The following ARHGEF3 variants were observed in gnomAD, a reference collection of about 807,000 sequenced individuals.
ARHGEF3 encodes 59.8 kDA protein.
In ARHGEF3, 28 loss-of-function variants were observed where a neutral mutation model predicts 63.2. The observed-to-expected ratio is 0.44, with a 90% CI of 0.33 to 0.61. The LOEUF (loss-of-function observed/expected upper bound fraction) is 0.61, where lower values mean the gene tolerates loss of function less well. Ranked by LOEUF, ARHGEF3 falls within the 20% of genes least tolerant of loss-of-function variation. The pLI, the probability that ARHGEF3 is intolerant of heterozygous loss-of-function variation, is 0.03. For synonymous variants in ARHGEF3, 266 were observed against 254.2 expected, an observed-to-expected ratio of 1.05 and a Z score of -0.44; for missense variants, 533 against 659.3, an observed-to-expected ratio of 0.81 and a Z score of 2.10.
chr3:56,877,276 C>A (rs901090094), intron 4 of ARHGEF3, among the ~76,000 whole-genome samples: 1 of 151,438 alleles, frequency 6.6e-6, no homozygotes, highest in Admixed American at 6.6e-5. Context: ...AGTACTCTAT[C>A]GTTATTAAAA....
At chr3:57,042,700 ATT>A (rs869145503) in intron 1 of ARHGEF3, among the ~76,000 whole-genome samples, 5 of 66,134 alleles carry the variant, frequency 7.6e-5, no homozygotes, top group African/African-American at 2.5e-4. Flanking sequence ...ATATATATAT[ATT>A]TTTTTTTTTT....
At chr3:57,065,867 A>G (rs1705499314) in intron 1 of ARHGEF3, among the ~76,000 whole-genome samples, 1 of 152,160 alleles carries the variant, frequency 6.6e-6, no homozygotes, top group Admixed American at 6.6e-5. Context: ...AATTTGTTGC[A>G]GATAAATGGC....
At chr3:56,986,847 G>A (rs1161736370) in intron 2 of ARHGEF3, among the ~76,000 whole-genome samples, 3 of 150,980 alleles carry the variant, frequency 2.0e-5, no homozygotes, top group Non-Finnish European at 4.4e-5. Flanking sequence ...GGTCTGGAGT[G>A]ATGGTCATAA....
intron 4 of ARHGEF3, among the ~76,000 whole-genome samples, chr3:56,835,748 T>C (rs2039086711): frequency 6.6e-6 from 1 of 152,052 alleles, no homozygotes; most frequent in Non-Finnish European, 1.5e-5. Flanking sequence ...ACACAGAACA[T>C]GACCCATAAA....
At chr3:56,932,769 T>G (rs2042448149) in intron 3 of ARHGEF3, among the ~76,000 whole-genome samples, 1 of 152,034 alleles carries the variant, frequency 6.6e-6, no homozygotes, top group East Asian at 1.9e-4. Flanking sequence ...TGTGACAGAG[T>G]CCATCCTACA....
At chr3:56,883,008 G>T (rs1018448539) in intron 3 of ARHGEF3, among the ~76,000 whole-genome samples, 6 of 152,180 alleles carry the variant, frequency 3.9e-5, no homozygotes, top group Non-Finnish European at 7.3e-5. Flanking sequence ...GACTAACTTG[G>T]AAGAGGAGAT....
chr3:57,035,162 G>GCAGGGT (rs1351634388), exon 2 of ARHGEF3: 2 of 1,511,436 alleles, frequency 1.3e-6, no homozygotes, highest in Admixed American at 4.6e-5. Context: ...ACTCAGTATG[G>GCAGGGT]CAGGCTCAGG....
In ARHGEF3 at chr3:56,921,074, A is replaced by AC. The variant is rs2042124397; in HGVS notation, c.129+37748_129+37749insG. The stretch of plus-strand genomic sequence containing the variant: ...CATCTCAAAAAAAAAAAAAAAAAAA[A>AC]AAACTCATGGGCCAGTGCAGTGGCT... On this transcript the variant is annotated intron_variant, in intron 3 of 12. Transcript: ENST00000338458. Among the ~76,000 whole-genome samples, 2 of 150,564 alleles carry AC rather than the reference A, an allele frequency of 1.3e-5. 1 individual carries two copies. Among genetic ancestry groups the AC allele is most frequent in the South Asian group, 4.2e-4 (2 of 4,758 alleles).
At chr3:57,042,683 TATATATATA>T (rs1704257479) in intron 1 of ARHGEF3, among the ~76,000 whole-genome samples, 7 of 40,354 alleles carry the variant, frequency 1.7e-4, no homozygotes, top group South Asian at 8.8e-4. Context: ...TATATATATA[TATATATATA>T]TATATATATT....
intron 2 of ARHGEF3, among the ~76,000 whole-genome samples, chr3:56,997,675 A>G (rs1702045859): frequency 6.6e-6 from 1 of 152,166 alleles, no homozygotes; most frequent in African/African-American, 2.4e-5. Context: ...CCTGATCAAC[A>G]GAGAGACAGC....
chr3:56,923,076 A>ATATATATAT (rs1491204343), intron 3 of ARHGEF3, among the ~76,000 whole-genome samples: 2 of 131,320 alleles, frequency 1.5e-5, no homozygotes, highest in Admixed American at 8.1e-5. Context: ...ATATATATAT[A>ATATATATAT]AATTAGTTGG....
chr3:56,996,258 C>T (rs925832913), intron 2 of ARHGEF3, among the ~76,000 whole-genome samples: 2 of 152,154 alleles, frequency 1.3e-5, no homozygotes, highest in African/African-American at 4.8e-5. Flanking sequence ...CTTCAAACCC[C>T]CTCCTCTCCT....
intron 3 of ARHGEF3, among the ~76,000 whole-genome samples, chr3:56,883,046 T>C (rs149600765): frequency 6.6e-6 from 1 of 152,228 alleles, no homozygotes; most frequent in Admixed American, 6.5e-5. Flanking sequence ...CTAATTCACT[T>C]GAAGATATTC....
intron 1 of ARHGEF3, among the ~76,000 whole-genome samples, chr3:57,042,700 A>ATTTTTTTTTTTTTTTTTTT (rs869145503): frequency 1.5e-5 from 1 of 66,122 alleles, no homozygotes; most frequent in Non-Finnish European, 2.9e-5. Context: ...ATATATATAT[A>ATTTTTTTTTTTTTTTTTTT]TTTTTTTTTT....
intron 4 of ARHGEF3, among the ~76,000 whole-genome samples, chr3:56,838,116 C>T (rs2039180485): frequency 6.6e-6 from 1 of 152,050 alleles, no homozygotes; most frequent in Admixed American, 6.6e-5. Flanking sequence ...CTAAATACAG[C>T]CATAACATGT....
In ARHGEF3 at chr3:56,754,972, C is replaced by T. The variant is rs1221920053; in HGVS notation, c.375+9G>A. On this transcript the variant is annotated intron_variant, in intron 3 of 9. Coordinates refer to ENST00000296315, the MANE Select transcript of ARHGEF3 (RefSeq NM_019555.3). ...GACACACAGCCAGCTCCATGGGCCC[C>T]GAGCCTACCTCCTGACGTTTGATTT... 1.4e-5 allele frequency: 23 copies of T among 1,614,028 alleles called. No individual in the cohort carries two copies. Among genetic ancestry groups the T allele is most frequent in the Admixed American group, 5.0e-5 (3 of 60,002 alleles).
rs542107354 is a variant in ARHGEF3, at chr3:56,781,646, A to G, written c.97-7830T>C. On this transcript the variant is annotated intron_variant, in intron 1 of 9. Coordinates refer to ENST00000296315, the MANE Select transcript of ARHGEF3 (RefSeq NM_019555.3). ...TATGGTACTTTGTTATAGCAGTCAT[A>G]AGAAACTAACACAGGTGGTGTCTGC... 6.6e-5 allele frequency among the ~76,000 whole-genome samples: 10 copies of G among 152,368 alleles called. No individual in the cohort carries two copies. In the East Asian group the frequency reaches 1.7e-3, roughly 26 times the overall value.
At chr3:56,775,256 G>A (rs991294534) in intron 1 of ARHGEF3, 13 of 1,292,926 alleles carry the variant, frequency 1.0e-5, no homozygotes, top group African/African-American at 3.1e-5. Flanking sequence ...AAAATCTTTC[G>A]TGAATTTGGA....
At chr3:56,998,214 A>T (rs1702064282) in intron 2 of ARHGEF3, among the ~76,000 whole-genome samples, 1 of 152,172 alleles carries the variant, frequency 6.6e-6, no homozygotes, top group African/African-American at 2.4e-5. Context: ...CACACAAAAG[A>T]AAATGGTCCA....
Sources: allele counts gnomAD v4.1 joint callset (sites outside exome capture counted in the v4.1 genomes callset), GRCh38; gene constraint gnomAD v4.1.1; transcripts MANE v1.5; gene names NCBI Gene and HGNC (gene_info 2026-07-23, HGNC 2026-07-21).